Variants in EPC2 observed in about 807,000 individuals in gnomAD.
The protein encoded by EPC2 is enhancer of polycomb homolog 2.
In EPC2, 14 loss-of-function variants were observed where a neutral mutation model predicts 92.1. The ratio of observed to expected loss-of-function variants is 0.15; its 90% CI spans 0.10 to 0.24. The LOEUF is 0.24. Ranked by LOEUF, EPC2 falls within the 10% of genes least tolerant of loss-of-function variation. The pLI is 1.00. For missense variants in EPC2, 755 were observed against 971.5 expected (o/e 0.78, Z 2.96); for synonymous variants, 340 against 334.7 (o/e 1.02, Z -0.17).
Position 148,686,460 on chromosome 2 carries a change from G to A in EPC2, c.154-3754G>A, listed in dbSNP as rs76402052. On this transcript the variant is annotated intron_variant, in intron 1 of 13. Transcript: ENST00000258484. ...TAGAATTCCCTTCTTTCAAACTCCT[G>A]TTAATGTGGGCATTTTGACCTCTTT... Among the ~76,000 whole-genome samples the A allele has an allele frequency of 2.7e-3, 407 of 152,304 alleles. 2 individuals carry two copies. Among genetic ancestry groups the A allele is most frequent in the South Asian group, 0.018 (88 of 4,822 alleles).
chr2:148,735,381 T>C (rs1450448443), intron 2 of EPC2, among the ~76,000 whole-genome samples: 3 of 152,050 alleles, frequency 2.0e-5, no homozygotes, highest in Admixed American at 2.0e-4. Flanking sequence ...TAAATTTGCC[T>C]CTTATCAATC....
intron 2 of EPC2, among the ~76,000 whole-genome samples, chr2:148,743,053 A>G (rs886696129): frequency 1.3e-5 from 2 of 152,310 alleles, no homozygotes; most frequent in South Asian, 2.1e-4. Context: ...TGCCCGTGCA[A>G]CATTCCCACC....
intron 10 of EPC2, among the ~76,000 whole-genome samples, chr2:148,776,075 C>G (rs1033892083): frequency 1.3e-5 from 2 of 152,030 alleles, no homozygotes; most frequent in Non-Finnish European, 2.9e-5. Context: ...GCCACCGCGC[C>G]CGGCCAATAT....
At chr2:148,764,858 T>A in intron 6 of EPC2, 97 bp from the exon 7 acceptor site, 1 of 936,732 alleles carries the variant, frequency 1.1e-6, no homozygotes, top group Non-Finnish European at 1.4e-6. Context: ...ACCTCCTGGG[T>A]AAAAATGTAT....
intron 2 of EPC2, among the ~76,000 whole-genome samples, chr2:148,698,500 G>T (rs1681798649): frequency 6.6e-6 from 1 of 151,860 alleles, no homozygotes; most frequent in Non-Finnish European, 1.5e-5. Context: ...GCCCGGTGTG[G>T]TGGTGCACGC....
chr2:148,687,940 A>T (rs1400192917), intron 1 of EPC2, among the ~76,000 whole-genome samples: 1 of 152,182 alleles, frequency 6.6e-6, no homozygotes, highest in Non-Finnish European at 1.5e-5. Context: ...AATCAAACTA[A>T]TCTACTGTGT....
chr2:148,729,993 AT>A, intron 2 of EPC2, among the ~76,000 whole-genome samples: 1 of 152,348 alleles, frequency 6.6e-6, no homozygotes, highest in East Asian at 1.9e-4. Context: ...AAGACTAGGA[AT>A]AATCTTGATT....
rs1433184489 is a variant in EPC2 at position 148,787,525 on chromosome 2, A to G, written c.*1148A>G. 1 of 152,634 alleles carries G rather than the reference A, an allele frequency of 6.6e-6. No homozygotes were observed. Among genetic ancestry groups the G allele is most frequent in the African/African-American group, 2.4e-5 (1 of 41,460 alleles). 9.5% of individuals were successfully genotyped at this position (152,634 alleles called of 1,614,324 possible). A position where few individuals can be genotyped will look rare whatever the true frequency, so the allele number is the denominator to read the frequency against. On this transcript the variant is annotated 3_prime_UTR_variant, in exon 14 of 14. Transcript: ENST00000258484. ...CAACTTTCCCTGTTACTTGTTCTTG[A>G]TAAGTGAAAACTGCAGGGAAATAAA...
chr2:148,725,634 G>A (rs1003302419), intron 2 of EPC2, among the ~76,000 whole-genome samples: 3 of 152,016 alleles, frequency 2.0e-5, no homozygotes, highest in Non-Finnish European at 4.4e-5. Flanking sequence ...CCCAAATAAT[G>A]CATTGCCTTT....
intron 2 of EPC2, among the ~76,000 whole-genome samples, chr2:148,722,348 C>T (rs985669257): frequency 5.3e-5 from 8 of 152,254 alleles, no homozygotes; most frequent in Middle Eastern, 3.4e-3. Context: ...CTGGACTCAT[C>T]TTTTTCCTTC....
rs116262108 is a variant in EPC2 at position 148,681,006 on chromosome 2, A to G, written c.154-9208A>G. ...AGATGAGACATGTTTGTCAAGCTCA[A>G]AAAATGAGACTTTATCCTGTAGATG... On this transcript the variant is annotated intron_variant, in intron 1 of 13. Transcript: ENST00000258484. 7.2e-3 allele frequency among the ~76,000 whole-genome samples: 1,091 copies of G among 152,342 alleles called. 6 individuals are homozygous for G. Among genetic ancestry groups the G allele is most frequent in the African/African-American group, 0.025 (1,024 of 41,578 alleles).
chr2:148,657,956 C>T (rs1306247068), intron 1 of EPC2, among the ~76,000 whole-genome samples: 3 of 151,464 alleles, frequency 2.0e-5, no homozygotes, highest in Admixed American at 1.3e-4. Flanking sequence ...TACACATATA[C>T]CAATACAGTT....
intron 4 of EPC2, among the ~76,000 whole-genome samples, 152 bp from the exon 5 acceptor site, chr2:148,761,630 G>GT (rs1015549616): frequency 6.6e-6 from 1 of 152,054 alleles, no homozygotes; most frequent in Non-Finnish European, 1.5e-5. Flanking sequence ...GAGTTAAATA[G>GT]TTATAGGTTA....
intron 1 of EPC2, among the ~76,000 whole-genome samples, chr2:148,652,441 T>TA (rs1017081018): frequency 6.6e-6 from 1 of 151,998 alleles, no homozygotes; most frequent in South Asian, 2.1e-4. Flanking sequence ...AGTGTCCTTT[T>TA]AAAAAAAAGC....
At chr2:148,751,545 G>A (rs1683082728) in intron 3 of EPC2, among the ~76,000 whole-genome samples, 1 of 151,944 alleles carries the variant, frequency 6.6e-6, no homozygotes. Context: ...AGAGTTAGGG[G>A]GTCTCAGTAT....
chr2:148,781,912 T>A, intron 11 of EPC2, 132 bp downstream of exon 11: 2 of 1,008,480 alleles, frequency 2.0e-6, no homozygotes, highest in Non-Finnish European at 2.9e-6. Flanking sequence ...CCTGAATTTC[T>A]TTTCAGTTAA....
chr2:148,688,408 G>A (rs942567228), intron 1 of EPC2, among the ~76,000 whole-genome samples: 4 of 151,984 alleles, frequency 2.6e-5, no homozygotes, highest in Non-Finnish European at 5.9e-5. Context: ...ACCAGGGCCT[G>A]TTGTGGGATG....
intron 3 of EPC2, among the ~76,000 whole-genome samples, chr2:148,746,302 C>T (rs993905526): frequency 2.4e-4 from 36 of 152,010 alleles, no homozygotes; most frequent in African/African-American, 8.5e-4. Context: ...TCCACAGTCC[C>T]CTCAAGTTTA....
intron 1 of EPC2, among the ~76,000 whole-genome samples, chr2:148,668,440 C>T (rs1262875054): frequency 6.6e-6 from 1 of 152,116 alleles, no homozygotes; most frequent in East Asian, 1.9e-4. Context: ...GGATCAGAAT[C>T]ATACTGGCCT....
Sources: allele counts gnomAD v4.1 joint callset (sites outside exome capture counted in the v4.1 genomes callset), GRCh38; gene constraint gnomAD v4.1.1; transcripts MANE v1.5; gene names NCBI Gene and HGNC (gene_info 2026-07-23, HGNC 2026-07-21).